FER: variants seen among roughly 807,000 people sequenced by gnomAD.
FER encodes FER tyrosine kinase, also known as tyrosine-protein kinase Fer.
Under a neutral mutation model 111.0 loss-of-function variants are expected in FER, and 63 were observed. That is an observed-to-expected ratio of 0.57 (90% CI 0.46 to 0.70). FER has a LOEUF of 0.70. Among genes scored for constraint, FER ranks in the 30% least tolerant of loss-of-function variants. The probability of loss-of-function intolerance (pLI) is 0.00; values close to 1 mark genes in which losing one functional copy is unlikely to be tolerated. For missense variants in FER, 914 were observed against 954.0 expected (o/e 0.96, Z 0.55); for synonymous variants, 327 against 313.9 (o/e 1.04, Z -0.44).
chr5:108,902,927 A>C (rs1412169885), intron 10 of FER, among the ~76,000 whole-genome samples: 1 of 151,740 alleles, frequency 6.6e-6, no homozygotes, highest in Non-Finnish European at 1.5e-5. Context: ...TTATTTATTT[A>C]TTAAGAGACA....
At chr5:108,844,990 GTGTGTGTATATA>G (rs1218059717) in intron 5 of FER, among the ~76,000 whole-genome samples, 169 of 41,736 alleles carry the variant, frequency 4.0e-3, no homozygotes, top group South Asian at 5.9e-3. Flanking sequence ...GCTGGTGTGT[GTGTGTGTATATA>G]TATATATATA....
intron 18 of FER, among the ~76,000 whole-genome samples, chr5:109,183,248 GTTT>G (rs10682212): frequency 8.6e-6 from 1 of 115,666 alleles, no homozygotes; most frequent in East Asian, 2.3e-4. Flanking sequence ...ATCCTAGCGT[GTTT>G]TTTTTTTTTT....
chr5:108,786,965 G>C (rs913055001), intron 2 of FER, among the ~76,000 whole-genome samples: 3 of 152,092 alleles, frequency 2.0e-5, no homozygotes, highest in Non-Finnish European at 4.4e-5. Flanking sequence ...CTGTGGAGAC[G>C]CCAGCTGTGG....
chr5:109,002,599 C>A (rs1764936970), intron 13 of FER, among the ~76,000 whole-genome samples: 1 of 152,074 alleles, frequency 6.6e-6, no homozygotes, highest in East Asian at 1.9e-4. Context: ...AAAGCAATGG[C>A]AACAAAAGCC....
At chr5:108,828,501 C>T (rs930649700) in intron 3 of FER, among the ~76,000 whole-genome samples, 3 of 152,114 alleles carry the variant, frequency 2.0e-5, no homozygotes, top group Non-Finnish European at 4.4e-5. Context: ...AAATTATTAT[C>T]ACTTTAATGT....
At chr5:108,899,849 A>G (rs186565133) in intron 10 of FER, among the ~76,000 whole-genome samples, 1 of 152,202 alleles carries the variant, frequency 6.6e-6, no homozygotes, top group African/African-American at 2.4e-5. Context: ...AATATTTCAT[A>G]ATCATTGAAG....
chr5:108,759,354 A>C (rs932684901), intron 1 of FER, among the ~76,000 whole-genome samples: 1 of 152,178 alleles, frequency 6.6e-6, no homozygotes, highest in African/African-American at 2.4e-5. Flanking sequence ...TTTACTGTTC[A>C]TATGTCTACC....
chr5:109,113,441 G>T (rs1266799361), intron 17 of FER, among the ~76,000 whole-genome samples: 1 of 152,080 alleles, frequency 6.6e-6, no homozygotes. Context: ...TTATATTACT[G>T]GATGAAAATG....
chr5:109,107,349 G>T (rs925494629), intron 17 of FER, among the ~76,000 whole-genome samples: 1 of 151,998 alleles, frequency 6.6e-6, no homozygotes. Flanking sequence ...TTTATTTTAG[G>T]CTCAGGGGGT....
intron 17 of FER, among the ~76,000 whole-genome samples, chr5:109,125,639 A>G (rs1751616482): frequency 6.6e-6 from 1 of 152,228 alleles, no homozygotes; most frequent in Non-Finnish European, 1.5e-5. Context: ...GAACATTTTA[A>G]TCATTCTGTA....
Position 109,005,750 on chromosome 5 carries a change from T to G in FER, c.1657-31672T>G, listed in dbSNP as rs183612093. 1.5e-4 allele frequency among the ~76,000 whole-genome samples: 23 copies of G among 152,292 alleles called. No individual in the cohort carries two copies. In the East Asian group the frequency reaches 4.1e-3, roughly 27 times the overall value. On this transcript the variant is annotated intron_variant, in intron 13 of 19. Coordinates refer to ENST00000281092, the MANE Select transcript of FER (RefSeq NM_005246.4). ...CACAAGAGTTTAAATTTCCCTTCAGTTGAAGTTCCTTAGCAGCAAGGACCA... is the reference window on the plus strand; with the variant it reads ...CACAAGAGTTTAAATTTCCCTTCAGGTGAAGTTCCTTAGCAGCAAGGACCA...
chr5:108,890,427 C>T (rs60126805), intron 9 of FER, among the ~76,000 whole-genome samples: 33,829 of 151,912 alleles, frequency 0.22, 3,941 homozygotes, highest in African/African-American at 0.27. Context: ...TTGGTTCCTT[C>T]TGAGAACTCC....
At chr5:108,802,782 T>C (rs1756814102) in intron 3 of FER, among the ~76,000 whole-genome samples, 1 of 152,096 alleles carries the variant, frequency 6.6e-6, no homozygotes, top group South Asian at 2.1e-4. Flanking sequence ...TTACGAATTT[T>C]CTGTTTTCTG....
At chr5:109,019,514 A>T (rs184963482) in intron 13 of FER, among the ~76,000 whole-genome samples, 1 of 151,908 alleles carries the variant, frequency 6.6e-6, no homozygotes, top group South Asian at 2.1e-4. Context: ...TAATATTGTC[A>T]AAGTGTGATC....
chr5:108,982,943 C>T (rs1001688707), intron 13 of FER, among the ~76,000 whole-genome samples: 1 of 151,874 alleles, frequency 6.6e-6, no homozygotes, highest in Non-Finnish European at 1.5e-5. Flanking sequence ...TCTTAAATGG[C>T]ATGCATACTA....
chr5:108,924,847 A>G (rs750187072), intron 10 of FER: 2 of 1,183,098 alleles, frequency 1.7e-6, no homozygotes, highest in Non-Finnish European at 2.1e-6. Context: ...ATTATCTAAG[A>G]GTCCAGCAGG....
At chr5:109,031,987 G>A (rs1360193011) in intron 13 of FER, among the ~76,000 whole-genome samples, 1 of 152,136 alleles carries the variant, frequency 6.6e-6, no homozygotes, top group Non-Finnish European at 1.5e-5. Flanking sequence ...CATAACATAT[G>A]CAATGTATGG....
intron 16 of FER, among the ~76,000 whole-genome samples, chr5:109,093,910 T>C (rs1303141405): frequency 6.6e-6 from 1 of 151,944 alleles, no homozygotes; most frequent in Non-Finnish European, 1.5e-5. Context: ...CTGACTTTCC[T>C]TTTTTTTCAT....
At chr5:108,915,631 A>G (rs1752170163) in intron 10 of FER, among the ~76,000 whole-genome samples, 3 of 147,804 alleles carry the variant, frequency 2.0e-5, no homozygotes, top group Non-Finnish European at 1.5e-5. Context: ...TGTCCTAATT[A>G]AAATTTAATT....
Sources: allele counts gnomAD v4.1 joint callset (sites outside exome capture counted in the v4.1 genomes callset), GRCh38; gene constraint gnomAD v4.1.1; transcripts MANE v1.5; gene names NCBI Gene and HGNC (gene_info 2026-07-23, HGNC 2026-07-21).